Variants in SLC29A3 observed in about 807,000 individuals in gnomAD.
The protein encoded by SLC29A3 is solute carrier family 29 member 3.
In SLC29A3, 18 loss-of-function variants were observed where a neutral mutation model predicts 25.4. The observed-to-expected ratio is 0.71, with a 90% CI of 0.49 to 1.05. The LOEUF is 1.05. SLC29A3 is among the 50% of genes least tolerant of loss of function. The probability of loss-of-function intolerance (pLI) is 0.00; values close to 1 mark genes in which losing one functional copy is unlikely to be tolerated. For synonymous variants in SLC29A3, 258 were observed against 267.1 expected, an observed-to-expected ratio of 0.97 and a Z score of 0.33; for missense variants, 586 against 609.0, an observed-to-expected ratio of 0.96 and a Z score of 0.40.
chr10:71,377,157 G>C (rs1049592681), intron 4 of SLC29A3, among the ~76,000 whole-genome samples: 1 of 152,168 alleles, frequency 6.6e-6, no homozygotes, highest in Non-Finnish European at 1.5e-5. Context: ...TCAGATCTCC[G>C]GGCCTCAAGG....
intron 2 of SLC29A3, 63 bp downstream of exon 2, chr10:71,323,117 A>G: frequency 6.3e-7 from 1 of 1,589,940 alleles, no homozygotes; most frequent in South Asian, 1.1e-5. Flanking sequence ...CCTCACATGC[A>G]GGGGAAGATG....
intron 2 of SLC29A3, among the ~76,000 whole-genome samples, chr10:71,333,463 CTGT>C (rs1244342483): frequency 6.6e-6 from 1 of 152,250 alleles, no homozygotes; most frequent in Non-Finnish European, 1.5e-5. Flanking sequence ...CGGGAGCAGT[CTGT>C]TGTTGAGGAA....
intron 2 of SLC29A3, among the ~76,000 whole-genome samples, chr10:71,326,462 AT>A (rs754561200): frequency 6.6e-6 from 1 of 152,138 alleles, no homozygotes; most frequent in Non-Finnish European, 1.5e-5. Context: ...GTGCTTTACA[AT>A]CCGCTTTTAT....
At position 71,356,158 on chromosome 10, in the gene SLC29A3, G is replaced by A. The variant is rs147701543; in HGVS notation, c.688G>A (p.Ala230Thr). 725 of 1,614,136 alleles carry A rather than the reference G, an allele frequency of 4.5e-4. No homozygotes were observed. The highest frequency in any genetic ancestry group is 5.5e-4 in the Non-Finnish European group (646 of 1,180,034). The change falls in exon 5 of 6, where the codon GCC becomes ACC. Residue 230 changes from alanine to threonine, a missense_variant. Ala to Thr is a moderately conservative substitution (Grantham distance 58). Coordinates refer to ENST00000373189, the MANE Select transcript of SLC29A3 (RefSeq NM_018344.6). ...TGCATCCAGTGATGTGAGGAACAGCGCCCTGGCCTTCTTCCTGACGGCCAC... is the reference window on the plus strand; with the variant it reads ...TGCATCCAGTGATGTGAGGAACAGCACCCTGGCCTTCTTCCTGACGGCCAC... ...LAASSDVRNS[A>T]LAFFLTATVF...
Position 71,344,209 on chromosome 10 carries a change from A to G in SLC29A3, c.301A>G (p.Asn101Asp). Reference protein sequence around the residue: ...GEDPEGSDILNYFESYLAVAS... With the variant: ...GEDPEGSDILDYFESYLAVAS... ...CACCTCCTCACTTGTGTGCTTGCAG[A>G]ACTACTTTGAGAGCTACCTTGCCGT... The change falls in exon 3 of 6, where the codon AAC (asparagine) becomes GAC (aspartate). Residue 101 changes from asparagine to aspartate, a missense_variant and splice_region_variant. Asn to Asp is a conservative substitution (Grantham distance 23). Transcript: ENST00000373189. The G allele has an allele frequency of 6.2e-7, 1 of 1,613,836 alleles. No individual in the cohort carries two copies. Among genetic ancestry groups the G allele is most frequent in the Non-Finnish European group, 8.5e-7 (1 of 1,179,796 alleles).
chr10:71,354,735 T>G (rs1414055942), intron 4 of SLC29A3, among the ~76,000 whole-genome samples: 1 of 152,220 alleles, frequency 6.6e-6, no homozygotes, highest in Non-Finnish European at 1.5e-5. Context: ...ATCCCGCCAG[T>G]CAACCCAGCT....
At chr10:71,379,305 C>T (rs192234036) in intron 4 of SLC29A3, among the ~76,000 whole-genome samples, 6 of 152,280 alleles carry the variant, frequency 3.9e-5, no homozygotes, top group Admixed American at 6.5e-5. Context: ...TGAATTAGGC[C>T]CCAGCAGACC....
intron 3 of SLC29A3, among the ~76,000 whole-genome samples, chr10:71,351,336 C>T (rs1277034808): frequency 6.6e-6 from 1 of 152,216 alleles, no homozygotes; most frequent in Non-Finnish European, 1.5e-5. Context: ...AATCAACTCT[C>T]CCCATTGTAC....
intron 2 of SLC29A3, among the ~76,000 whole-genome samples, chr10:71,326,516 A>C (rs1845975318): frequency 6.6e-6 from 1 of 152,182 alleles, no homozygotes; most frequent in Non-Finnish European, 1.5e-5. Flanking sequence ...CAGCCGTGGT[A>C]AATCACCTGG....
intron 2 of SLC29A3, among the ~76,000 whole-genome samples, chr10:71,325,468 G>A (rs888842132): frequency 6.6e-6 from 1 of 152,168 alleles, no homozygotes; most frequent in African/African-American, 2.4e-5. Flanking sequence ...CCACGCCCCA[G>A]GGATTCTGAC....
Position 71,363,133 on chromosome 10 carries a change from G to T in SLC29A3, c.*525G>T. 1 of 438,804 alleles carries T rather than the reference G, an allele frequency of 2.3e-6. No homozygotes were observed. The highest frequency in any genetic ancestry group is 1.6e-5 in the South Asian group (1 of 62,118). 27.2% of individuals were successfully genotyped at this position (438,804 alleles called of 1,614,324 possible). ...TGTGCACAGACCCCTGTGTTCTGTG[G>T]GTGAACAACTGCCCACTAACCAGAC... On this transcript the variant is annotated 3_prime_UTR_variant, in exon 6 of 6. Transcript: ENST00000373189.
exon 5 of SLC29A3, chr10:71,380,165 C>G (rs1450416845): frequency 6.6e-6 from 1 of 152,192 alleles, no homozygotes; most frequent in Non-Finnish European, 1.5e-5. Flanking sequence ...TTCCCGCATG[C>G]CCTCACCCCA....
chr10:71,362,409 A>G lies in SLC29A3; in HGVS notation c.1229A>G (p.Gln410Arg), dbSNP rs1383986920. ...GTCCACCTGAAGACTGTGGTCTTCC[A>G]GTCCGATGTGTACCCCGCACTCCTC... is the stretch of plus-strand genomic sequence containing the variant. ...PRVHLKTVVF[Q>R]SDVYPALLSS... Residue 410 changes from glutamine to arginine, a missense_variant, in exon 6 of 6, where the codon CAG becomes CGG. Gln to Arg is a conservative substitution (Grantham distance 43). Transcript: ENST00000373189. 6.2e-7 allele frequency: 1 copy of G among 1,614,074 alleles called. No individual in the cohort carries two copies. Among genetic ancestry groups the G allele is most frequent in the African/African-American group, 1.3e-5 (1 of 74,928 alleles).
At chr10:71,370,195 G>A (rs1847200744) in intron 3 of SLC29A3, among the ~76,000 whole-genome samples, 1 of 152,220 alleles carries the variant, frequency 6.6e-6, no homozygotes, top group South Asian at 2.1e-4. Flanking sequence ...TCACCATCTG[G>A]ATCTCAGGTG....
chr10:71,364,834 C>G (rs994459585), downstream of SLC29A3: 4 of 152,244 alleles, frequency 2.6e-5, no homozygotes, highest in Non-Finnish European at 4.4e-5. Context: ...TTTGCAGGAG[C>G]CTGAAGTCTC....
chr10:71,367,357 C>T (rs1847178616), downstream of SLC29A3, among the ~76,000 whole-genome samples: 1 of 152,152 alleles, frequency 6.6e-6, no homozygotes, highest in African/African-American at 2.4e-5. Flanking sequence ...GGAAGTCTTG[C>T]TCCCAGCCCC....
At chr10:71,367,735 A>G (rs1589247072), downstream of SLC29A3, among the ~76,000 whole-genome samples, 1 of 152,340 alleles carries the variant, frequency 6.6e-6, no homozygotes, top group South Asian at 2.1e-4. Flanking sequence ...CAGCTGACCC[A>G]TTGGCCCTGT....
intron 5 of SLC29A3, among the ~76,000 whole-genome samples, chr10:71,359,929 G>A (rs1847011418): frequency 6.6e-6 from 1 of 152,186 alleles, no homozygotes; most frequent in Non-Finnish European, 1.5e-5. Context: ...CACACAGTAA[G>A]GGAAAGTGAT....
At chr10:71,343,676 G>A (rs534191218) in intron 2 of SLC29A3, among the ~76,000 whole-genome samples, 5 of 152,254 alleles carry the variant, frequency 3.3e-5, no homozygotes, top group Non-Finnish European at 5.9e-5. Flanking sequence ...CCAAGCGAGC[G>A]GTGCCTCATG....
Sources: allele counts gnomAD v4.1 joint callset (sites outside exome capture counted in the v4.1 genomes callset), GRCh38; gene constraint gnomAD v4.1.1; transcripts MANE v1.5; gene names NCBI Gene and HGNC (gene_info 2026-07-23, HGNC 2026-07-21).